The following CMSS1 variants were observed in gnomAD, a reference collection of about 807,000 sequenced individuals.
The protein encoded by CMSS1 is cms1 ribosomal small subunit homolog.
In CMSS1, 33 loss-of-function variants were observed where a neutral mutation model predicts 43.5. That is an observed-to-expected ratio of 0.76 (90% confidence interval 0.57 to 1.01). The LOEUF (loss-of-function observed/expected upper bound fraction) is 1.01, where lower values mean the gene tolerates loss of function less well. CMSS1 is among the 50% of genes least tolerant of loss of function. The pLI, the probability that CMSS1 is intolerant of heterozygous loss-of-function variation, is 0.00. For missense variants in CMSS1, 313 were observed against 326.4 expected (o/e 0.96, Z 0.32); for synonymous variants, 115 against 117.2 (o/e 0.98, Z 0.12).
intron 1 of CMSS1, among the ~76,000 whole-genome samples, chr3:100,034,612 A>C (rs2065076495): frequency 6.6e-6 from 1 of 152,206 alleles, no homozygotes; most frequent in South Asian, 2.1e-4. Flanking sequence ...TTATCAGTAA[A>C]ACTAAGCAGA....
intron 4 of CMSS1, among the ~76,000 whole-genome samples, chr3:100,162,898 C>G (rs771650330): frequency 9.2e-5 from 14 of 152,100 alleles, no homozygotes; most frequent in Non-Finnish European, 1.9e-4. Flanking sequence ...TCACTTGAAT[C>G]TGGGAGGCCG....
At chr3:100,010,130 G>A (rs1314046578) in intron 1 of CMSS1, 7 of 966,490 alleles carry the variant, frequency 7.2e-6, no homozygotes, top group Non-Finnish European at 7.4e-6. Context: ...CTTATTTTTA[G>A]GTAAGTCATC....
At chr3:99,930,986 G>A (rs748943559) in intron 1 of CMSS1, 33 of 1,613,528 alleles carry the variant, frequency 2.0e-5, no homozygotes, top group Non-Finnish European at 2.8e-5. Context: ...TTTCTTTTGG[G>A]CTGAGCCCTC....
intron 1 of CMSS1, among the ~76,000 whole-genome samples, chr3:99,951,294 G>A (rs1352743964): frequency 4.6e-5 from 7 of 152,146 alleles, no homozygotes; most frequent in Non-Finnish European, 8.8e-5. Flanking sequence ...AGTAATTACA[G>A]TAGCTATTTT....
intron 1 of CMSS1, among the ~76,000 whole-genome samples, chr3:100,098,648 A>G (rs537391351): frequency 1.4e-4 from 21 of 152,326 alleles, no homozygotes; most frequent in Admixed American, 1.3e-3. Flanking sequence ...CTGGAGTATA[A>G]GTACCTACAG....
At chr3:100,043,600 T>G (rs190983646) in intron 1 of CMSS1, among the ~76,000 whole-genome samples, 5 of 152,314 alleles carry the variant, frequency 3.3e-5, no homozygotes, top group East Asian at 1.9e-4. Flanking sequence ...TTTGAGTCAG[T>G]TAGGACATGG....
chr3:100,045,985 A>C (rs562752684), intron 1 of CMSS1, among the ~76,000 whole-genome samples: 1 of 152,146 alleles, frequency 6.6e-6, no homozygotes, highest in African/African-American at 2.4e-5. Context: ...TCACATCTGC[A>C]TTCTTGGTGG....
chr3:99,876,105 G>A (rs181840294), intron 1 of CMSS1: 2 of 986,376 alleles, frequency 2.0e-6, no homozygotes, highest in Admixed American at 6.1e-5. Context: ...GGCGGGGGCC[G>A]GGCCGGGGCC....
At chr3:100,049,305 T>G (rs2065330883) in intron 1 of CMSS1, among the ~76,000 whole-genome samples, 1 of 152,228 alleles carries the variant, frequency 6.6e-6, no homozygotes, top group Admixed American at 6.5e-5. Flanking sequence ...GATTAGAGGT[T>G]AGACTATTGC....
chr3:99,912,131 C>T (rs1706809599), intron 1 of CMSS1, among the ~76,000 whole-genome samples: 1 of 152,126 alleles, frequency 6.6e-6, no homozygotes, highest in South Asian at 2.1e-4. Flanking sequence ...GTTATACATC[C>T]ATACTGACCT....
chr3:99,835,459 G>A (rs1942857962), intron 1 of CMSS1, among the ~76,000 whole-genome samples: 1 of 152,168 alleles, frequency 6.6e-6, no homozygotes, highest in African/African-American at 2.4e-5. Context: ...TGGCTACCAG[G>A]TGCCTTTATT....
chr3:99,913,065 C>G (rs907108245), intron 1 of CMSS1, among the ~76,000 whole-genome samples: 2 of 152,254 alleles, frequency 1.3e-5, no homozygotes, highest in East Asian at 1.9e-4. Flanking sequence ...CACCCACTTT[C>G]CACCACGTGA....
chr3:99,844,254 A>G (rs1266978883), intron 1 of CMSS1, among the ~76,000 whole-genome samples: 1 of 152,148 alleles, frequency 6.6e-6, no homozygotes, highest in Non-Finnish European at 1.5e-5. Flanking sequence ...TCTGGGCCCT[A>G]CGCCCCCAGA....
chr3:100,052,642 G>A (rs967382242), intron 1 of CMSS1, among the ~76,000 whole-genome samples: 3 of 152,200 alleles, frequency 2.0e-5, no homozygotes, highest in African/African-American at 7.2e-5. Flanking sequence ...TATTAACACT[G>A]AGAATCCATG....
intron 1 of CMSS1, among the ~76,000 whole-genome samples, chr3:100,093,895 G>A (rs566519433): frequency 1.3e-5 from 2 of 151,928 alleles, no homozygotes; most frequent in South Asian, 2.1e-4. Flanking sequence ...CCATTTTTTG[G>A]CTATTACAAA....
chr3:100,019,561 T>C (rs2064768683), intron 1 of CMSS1, among the ~76,000 whole-genome samples: 1 of 152,202 alleles, frequency 6.6e-6, no homozygotes, highest in Non-Finnish European at 1.5e-5. Context: ...ATACGTAAAA[T>C]TGTTCTATTT....
chr3:99,883,518 G>A (rs184407585), intron 1 of CMSS1, among the ~76,000 whole-genome samples: 86 of 152,250 alleles, frequency 5.6e-4, no homozygotes, highest in African/African-American at 1.8e-3. Context: ...GTGAATGTGT[G>A]TGTTGGCTGG....
Position 100,176,247 on chromosome 3 carries a change from AC to A in CMSS1, c.668-77del, listed in dbSNP as rs559884723. 313 of 981,934 alleles carry A rather than the reference AC, an allele frequency of 3.2e-4. 1 individual carries two copies. The East Asian group carries it at 7.3e-3, about 23-fold the overall frequency. 60.8% of individuals were successfully genotyped at this position (981,934 alleles called of 1,614,324 possible). A position where few individuals can be genotyped will look rare whatever the true frequency, so the allele number is the denominator to read the frequency against. ...AGGACAACATATGAGACAAAAAGTA[AC>A]CCGGAGAATAAAAAATCATTTTAAT... On this transcript the variant is annotated intron_variant, in intron 8 of 9. Coordinates refer to ENST00000421999, the MANE Select transcript of CMSS1 (RefSeq NM_032359.4).
chr3:99,848,695 G>T (rs1447357788), intron 1 of CMSS1: 4 of 1,614,076 alleles, frequency 2.5e-6, no homozygotes, highest in Non-Finnish European at 2.5e-6. Flanking sequence ...CCTTTCTGGA[G>T]TTAGAGAACC....
Sources: gnomAD v4.1 joint callset for allele counts (sites outside exome capture counted in the v4.1 genomes callset) on GRCh38, gnomAD v4.1.1 for gene constraint, MANE v1.5 for transcripts, NCBI Gene and HGNC (gene_info 2026-07-23, HGNC 2026-07-21) for gene names.